Variants in OSMR observed in about 807,000 individuals in gnomAD.
The protein encoded by OSMR is oncostatin M receptor.
Under a neutral mutation model 99.9 loss-of-function variants are expected in OSMR, and 81 were observed. That is an observed-to-expected ratio of 0.81 (90% CI 0.68 to 0.97). OSMR has a LOEUF of 0.97. Among genes scored for constraint, OSMR ranks in the 50% least tolerant of loss-of-function variants. The pLI is 0.00. For missense variants in OSMR, 1,099 were observed against 1,153.4 expected (o/e 0.95, Z 0.68); for synonymous variants, 406 against 410.4 (o/e 0.99, Z 0.13).
chr5:38,869,496 C>A (rs989302128), intron 2 of OSMR, among the ~76,000 whole-genome samples: 1 of 152,152 alleles, frequency 6.6e-6, no homozygotes, highest in Non-Finnish European at 1.5e-5. Flanking sequence ...GTGCTGACCT[C>A]TAGGTTAGTA....
At chr5:38,849,777 AT>A (rs2112006656) in intron 1 of OSMR, among the ~76,000 whole-genome samples, 1 of 152,354 alleles carries the variant, frequency 6.6e-6, no homozygotes, top group Non-Finnish European at 1.5e-5. Flanking sequence ...TTGGCTACAC[AT>A]CAGATTAACT....
At chr5:38,888,344 G>T (rs918778765) in intron 7 of OSMR, among the ~76,000 whole-genome samples, 2 of 151,450 alleles carry the variant, frequency 1.3e-5, no homozygotes, top group East Asian at 2.0e-4. Context: ...GGAAGAAGGC[G>T]GCCCGAATTG....
At position 38,904,348 on chromosome 5, in the gene OSMR, A is replaced by T. The variant is rs753973606; in HGVS notation, c.1135-5A>T. ...TTTCTTTTCTTCTCTTTTTTGATCAAGCAGTACAATGTTTCCATCAAGGTG... is the reference window on the plus strand; with the variant it reads ...TTTCTTTTCTTCTCTTTTTTGATCATGCAGTACAATGTTTCCATCAAGGTG... On this transcript the variant is annotated splice_polypyrimidine_tract_variant and splice_region_variant and intron_variant, in intron 8 of 17. Transcript: ENST00000274276. 1.9e-6 allele frequency: 3 copies of T among 1,613,670 alleles called. No individual in the cohort carries two copies. The highest frequency in any genetic ancestry group is 2.5e-6 in the Non-Finnish European group (3 of 1,179,748).
chr5:38,855,505 T>C (rs1740767296), intron 1 of OSMR, among the ~76,000 whole-genome samples: 1 of 152,176 alleles, frequency 6.6e-6, no homozygotes, highest in Admixed American at 6.5e-5. Flanking sequence ...TAAACAGTAA[T>C]TCCATTCTTC....
chr5:38,863,289 C>T (rs990675522), intron 1 of OSMR, among the ~76,000 whole-genome samples: 1 of 148,226 alleles, frequency 6.7e-6, no homozygotes, highest in Non-Finnish European at 1.5e-5. Flanking sequence ...GCCTGTAATC[C>T]CAGCACTTTG....
rs183514182 is a variant in OSMR, at chr5:38,848,493, T to C, written c.-14+2106T>C. Among the ~76,000 whole-genome samples the C allele has an allele frequency of 1.1e-4, 16 of 152,302 alleles. No individual in the cohort carries two copies. In the East Asian group the frequency reaches 3.1e-3, roughly 29 times the overall value. ...TTTTGTGTTTTAAAAATAATACAAATAATAACAACTCATTCTCACTCAATA... is the reference window on the plus strand; with the variant it reads ...TTTTGTGTTTTAAAAATAATACAAACAATAACAACTCATTCTCACTCAATA... On this transcript the variant is annotated intron_variant, in intron 1 of 17. Transcript: ENST00000274276.
intron 15 of OSMR, among the ~76,000 whole-genome samples, chr5:38,928,055 C>T (rs527337240): frequency 6.6e-6 from 1 of 152,336 alleles, no homozygotes; most frequent in South Asian, 2.1e-4. Context: ...TGAGCCTGGA[C>T]TTCCACCTCA....
chr5:38,933,345 G>A lies in OSMR; in HGVS notation c.2841G>A (p.Met947Ile), dbSNP rs1746870768. 1.2e-6 allele frequency: 2 copies of A among 1,614,028 alleles called. No individual in the cohort carries two copies. Among genetic ancestry groups the A allele is most frequent in the Admixed American group, 3.3e-5 (2 of 60,006 alleles). Residue 947 changes from methionine to isoleucine, a missense_variant, in exon 18 of 18, where the codon ATG becomes ATA. Transcript: ENST00000274276. ...VEAPHCSEYK[M>I]QMAVSLRLAL... ...CACCACACTGTTCAGAGTATAAAAT[G>A]CAAATGGCAGTCTCCCTGCGTCTTG...
At chr5:38,877,805 C>CA (rs1221049141) in intron 3 of OSMR, among the ~76,000 whole-genome samples, 19 of 152,144 alleles carry the variant, frequency 1.2e-4, no homozygotes, top group Admixed American at 1.0e-3. Context: ...TATTATGTTA[C>CA]AAAAAATAAT....
At chr5:38,923,408 C>G (rs1271107068) in intron 13 of OSMR, among the ~76,000 whole-genome samples, 154 bp downstream of exon 13, 1 of 152,132 alleles carries the variant, frequency 6.6e-6, no homozygotes, top group Non-Finnish European at 1.5e-5. Context: ...ATTTTTTAAT[C>G]ATACAAACAA....
At chr5:38,848,969 G>A (rs1398902417) in intron 1 of OSMR, among the ~76,000 whole-genome samples, 3 of 151,920 alleles carry the variant, frequency 2.0e-5, no homozygotes, top group Admixed American at 2.0e-4. Context: ...GTAAAGATTG[G>A]GTCTCTCCAT....
chr5:38,899,480 A>G (rs1744753451), intron 7 of OSMR, among the ~76,000 whole-genome samples: 1 of 152,146 alleles, frequency 6.6e-6, no homozygotes, highest in East Asian at 1.9e-4. Context: ...TTTCTCAAGC[A>G]GAGGGTGTCT....
intron 7 of OSMR, 161 bp from the exon 8 acceptor site, chr5:38,903,721 T>C (rs1745039812): frequency 1.1e-6 from 1 of 935,696 alleles, no homozygotes; most frequent in Non-Finnish European, 1.3e-6. Flanking sequence ...AAGGCTGTAG[T>C]TGGCTCATTC....
chr5:38,910,192 T>C (rs1378113495), intron 9 of OSMR, among the ~76,000 whole-genome samples: 5 of 152,220 alleles, frequency 3.3e-5, no homozygotes, highest in African/African-American at 9.6e-5. Flanking sequence ...TAAATATATA[T>C]GCACCTAACA....
At chr5:38,867,022 C>A (rs1173836469) in intron 1 of OSMR, among the ~76,000 whole-genome samples, 1 of 152,134 alleles carries the variant, frequency 6.6e-6, no homozygotes, top group East Asian at 1.9e-4. Flanking sequence ...CTCTTCGATG[C>A]TCTATTCAAC....
intron 1 of OSMR, among the ~76,000 whole-genome samples, chr5:38,858,439 G>T (rs146534576): frequency 4.5e-4 from 68 of 151,956 alleles, no homozygotes; most frequent in African/African-American, 1.5e-3. Context: ...GCAAATGACA[G>T]GATTTCATTC....
intron 3 of OSMR, among the ~76,000 whole-genome samples, chr5:38,878,073 T>C (rs749774454): frequency 2.6e-5 from 4 of 152,094 alleles, no homozygotes; most frequent in Non-Finnish European, 5.9e-5. Context: ...GTTGTGTTGC[T>C]CCAGGTGACA....
chr5:38,862,751 C>G (rs1431219228), intron 1 of OSMR, among the ~76,000 whole-genome samples: 1 of 151,342 alleles, frequency 6.6e-6, no homozygotes, highest in South Asian at 2.1e-4. Flanking sequence ...TCCTCACTTC[C>G]CAGACGGGGT....
At chr5:38,864,581 C>T (rs1383081827) in intron 1 of OSMR, among the ~76,000 whole-genome samples, 1 of 151,116 alleles carries the variant, frequency 6.6e-6, no homozygotes, top group Non-Finnish European at 1.5e-5. Flanking sequence ...ATATCAGCCC[C>T]TTATCTCCTG....
Sources: gnomAD v4.1 joint callset for allele counts (sites outside exome capture counted in the v4.1 genomes callset) on GRCh38, gnomAD v4.1.1 for gene constraint, MANE v1.5 for transcripts, NCBI Gene and HGNC (gene_info 2026-07-23, HGNC 2026-07-21) for gene names.